KAT6A: variants seen among roughly 807,000 people sequenced by gnomAD.
KAT6A encodes histone acetyltransferase KAT6A.
Under a neutral mutation model 198.4 loss-of-function variants are expected in KAT6A, and 9 were observed. The ratio of observed to expected loss-of-function variants is 0.05; its 90% confidence interval spans 0.03 to 0.08. KAT6A has a LOEUF of 0.08. KAT6A is among the 10% of genes least tolerant of loss of function. KAT6A has a pLI of 1.00. For synonymous variants in KAT6A, 890 were observed against 883.0 expected (o/e 1.01, Z -0.14); for missense variants, 2,077 against 2,509.9 (o/e 0.83, Z 3.69).
chr8:41,978,332 G>A (rs904563037), intron 6 of KAT6A, among the ~76,000 whole-genome samples: 2 of 152,212 alleles, frequency 1.3e-5, no homozygotes, highest in African/African-American at 4.8e-5. Context: ...AGACTTTGGT[G>A]CCAGACTACT....
At position 42,048,587 on chromosome 8, in the gene KAT6A, C is replaced by T; in HGVS notation, c.391G>A (p.Val131Met). ...IERFLKGQKD[V>M]SALFGGSAAS... ...GCACTGCCTCCGAATAATGCAGACA[C>T]ATCCTTCTGACCTTTCAAAAAACGT... Residue 131 changes from valine to methionine, a missense_variant, in exon 2 of 17, where the codon GTG becomes ATG. Val to Met is a conservative substitution (Grantham distance 21). Transcript: ENST00000265713. 6.2e-7 allele frequency: 1 copy of T among 1,614,224 alleles called. No individual in the cohort carries two copies. Among genetic ancestry groups the T allele is most frequent in the Non-Finnish European group, 8.5e-7 (1 of 1,180,036 alleles).
chr8:42,025,358 CCCA>C (rs914758953), intron 2 of KAT6A, among the ~76,000 whole-genome samples: 6 of 136,552 alleles, frequency 4.4e-5, no homozygotes, highest in Non-Finnish European at 9.5e-5. Flanking sequence ...ATTACAGGTG[CCCA>C]CCACCATGCC....
intron 2 of KAT6A, among the ~76,000 whole-genome samples, chr8:42,021,634 T>C (rs1265802355): frequency 6.6e-6 from 1 of 152,112 alleles, no homozygotes; most frequent in Non-Finnish European, 1.5e-5. Context: ...TGTAAAAAAC[T>C]CAGGGAGTAC....
chr8:42,011,403 G>T (rs10112548), intron 2 of KAT6A, among the ~76,000 whole-genome samples: 85,299 of 151,904 alleles, frequency 0.56, 24,370 homozygotes, highest in African/African-American at 0.65. Flanking sequence ...GAGACCATTT[G>T]TTCTAGAAAT....
At chr8:42,028,378 A>G (rs1269284312) in intron 2 of KAT6A, among the ~76,000 whole-genome samples, 2 of 152,144 alleles carry the variant, frequency 1.3e-5, no homozygotes, top group African/African-American at 4.8e-5. Flanking sequence ...CTCCCTTTAG[A>G]TCTAATAACA....
intron 8 of KAT6A, among the ~76,000 whole-genome samples, chr8:41,973,826 T>C (rs1324581961): frequency 6.6e-6 from 1 of 152,056 alleles, no homozygotes; most frequent in Non-Finnish European, 1.5e-5. Context: ...TATGTACAAC[T>C]CCTACATATC....
chr8:42,030,580 T>C (rs1451787928), intron 2 of KAT6A, among the ~76,000 whole-genome samples: 1 of 152,038 alleles, frequency 6.6e-6, no homozygotes, highest in Non-Finnish European at 1.5e-5. Context: ...TTATTTTTTT[T>C]TTGAGACACA....
chr8:41,937,816 T>C (rs527366718), intron 15 of KAT6A, among the ~76,000 whole-genome samples: 22 of 152,346 alleles, frequency 1.4e-4, no homozygotes, highest in African/African-American at 5.0e-4. Flanking sequence ...TAGCAGACAT[T>C]ATAATTCTCT....
At position 42,000,996 on chromosome 8, in the gene KAT6A, G is replaced by A. The variant is rs373649715; in HGVS notation, c.601-13433C>T. Reference sequence around the variant, plus strand: ...CAAGTGAACAATCTATAGATAAAACGTGAGGGAGGGAGAGGAAGGAGGGAA... The same window carrying A: ...CAAGTGAACAATCTATAGATAAAACATGAGGGAGGGAGAGGAAGGAGGGAA... On this transcript the variant is annotated intron_variant, in intron 2 of 16. Coordinates refer to ENST00000265713, the MANE Select transcript of KAT6A (RefSeq NM_006766.5). Among the ~76,000 whole-genome samples the A allele has an allele frequency of 3.9e-5, 6 of 152,264 alleles. No individual in the cohort carries two copies. The East Asian group carries it at 9.6e-4, about 24-fold the overall frequency.
chr8:42,051,410 G>A (rs950190345), intron 1 of KAT6A, among the ~76,000 whole-genome samples: 8 of 151,030 alleles, frequency 5.3e-5, no homozygotes, highest in Non-Finnish European at 1.0e-4. Context: ...CGGAACCCGA[G>A]CCCGAGCCCG....
chr8:42,050,960 C>CGGA, intron 1 of KAT6A, among the ~76,000 whole-genome samples: 1 of 152,288 alleles, frequency 6.6e-6, no homozygotes, highest in African/African-American at 2.4e-5. Context: ...TCCCCATTCC[C>CGGA]CACCCCTAAA....
chr8:41,944,343 T>C (rs975594172), intron 12 of KAT6A, among the ~76,000 whole-genome samples: 1 of 152,228 alleles, frequency 6.6e-6, no homozygotes, highest in Non-Finnish European at 1.5e-5. Flanking sequence ...GTATCTGAAC[T>C]GAGAAGTACA....
chr8:41,941,283 G>T lies in KAT6A; in HGVS notation c.2598C>A (p.Gly866=). Residue 866 remains glycine, a synonymous_variant, in exon 15 of 17, where the codon GGC becomes GGA. Coordinates refer to ENST00000265713, the MANE Select transcript of KAT6A (RefSeq NM_006766.5). ...LPANSQPSRR[G]RWGRKNRKTQ... ...TTTTTCTGTTCTTCCTCCCCCAGCGGCCCCTCCGAGATGGCTGGCTATTTG... is the reference window on the plus strand; with the variant it reads ...TTTTTCTGTTCTTCCTCCCCCAGCGTCCCCTCCGAGATGGCTGGCTATTTG... The T allele has an allele frequency of 6.2e-7, 1 of 1,613,720 alleles. No individual in the cohort carries two copies. Among genetic ancestry groups the T allele is most frequent in the Non-Finnish European group, 8.5e-7 (1 of 1,179,958 alleles).
At chr8:41,942,357 G>A (rs1195706556) in intron 14 of KAT6A, 2 of 240,866 alleles carry the variant, frequency 8.3e-6, no homozygotes, top group East Asian at 6.0e-5. Context: ...ATATTTCCCT[G>A]GTTGTCCTGA....
chr8:42,023,634 C>T (rs574425193), intron 2 of KAT6A, among the ~76,000 whole-genome samples: 22 of 151,776 alleles, frequency 1.4e-4, no homozygotes, highest in Middle Eastern at 3.4e-3. Flanking sequence ...ACTATAGGCG[C>T]GCGCCACCAT....
At chr8:41,984,694 A>G (rs1824517423) in intron 3 of KAT6A, among the ~76,000 whole-genome samples, 1 of 152,210 alleles carries the variant, frequency 6.6e-6, no homozygotes, top group African/African-American at 2.4e-5. Flanking sequence ...TTACCGCTAC[A>G]GGGGCTGGGC....
intron 2 of KAT6A, among the ~76,000 whole-genome samples, chr8:42,037,940 C>T (rs1372624139): frequency 6.6e-6 from 1 of 152,176 alleles, no homozygotes; most frequent in East Asian, 1.9e-4. Context: ...GTCTTCCCCA[C>T]ACGGTCTGTT....
chr8:42,004,071 C>T (rs1284144180), intron 2 of KAT6A, among the ~76,000 whole-genome samples: 2 of 152,150 alleles, frequency 1.3e-5, no homozygotes, highest in African/African-American at 4.8e-5. Flanking sequence ...CTCAATGTTA[C>T]CTACACAGAC....
intron 9 of KAT6A, among the ~76,000 whole-genome samples, chr8:41,951,756 G>A (rs1822678747): frequency 6.6e-6 from 1 of 152,158 alleles, no homozygotes; most frequent in South Asian, 2.1e-4. Flanking sequence ...GTACCTTCTG[G>A]CTTCTGAACA....
Sources: allele counts gnomAD v4.1 joint callset (sites outside exome capture counted in the v4.1 genomes callset), GRCh38; gene constraint gnomAD v4.1.1; transcripts MANE v1.5; gene names NCBI Gene and HGNC (gene_info 2026-07-23, HGNC 2026-07-21).